NTN4: variants seen among roughly 807,000 people sequenced by gnomAD.
NTN4 encodes netrin 4, also known as netrin-4.
A neutral mutation model predicts 73.6 loss-of-function variants in NTN4; 32 were observed. That is an observed-to-expected ratio of 0.44 (90% CI 0.33 to 0.58). NTN4 has a LOEUF of 0.58. NTN4 is among the 20% of genes least tolerant of loss of function. NTN4 has a pLI of 0.04. For missense variants in NTN4, 654 were observed against 798.3 expected, an observed-to-expected ratio of 0.82 and a Z score of 2.18; for synonymous variants, 258 against 287.5, an observed-to-expected ratio of 0.90 and a Z score of 1.04.
At chr12:95,730,865 G>T (rs2078732148) in intron 3 of NTN4, among the ~76,000 whole-genome samples, 1 of 152,098 alleles carries the variant, frequency 6.6e-6, no homozygotes, top group African/African-American at 2.4e-5. Flanking sequence ...TTGGTGACAG[G>T]ATTACCTATT....
intron 9 of NTN4, among the ~76,000 whole-genome samples, chr12:95,665,229 C>G (rs2078170364): frequency 6.6e-6 from 1 of 152,166 alleles, no homozygotes; most frequent in African/African-American, 2.4e-5. Context: ...AGGTGCAAAT[C>G]AAATTTCTCT....
Position 95,790,612 on chromosome 12 carries a change from C to A in NTN4, c.-303G>T. On this transcript the variant is annotated 5_prime_UTR_variant, in exon 1 of 10. Transcript: ENST00000343702. This position sits in a 1 kb window ranked among gnomAD's most constrained non-coding sequence, Gnocchi z 6.5. Reference sequence around the variant, plus strand: ...GCCCCGCGGAGCGGCCCTGCGGGCTCGTCTGCCGCTAGCCCGGGGCTCGGC... The same window carrying A: ...GCCCCGCGGAGCGGCCCTGCGGGCTAGTCTGCCGCTAGCCCGGGGCTCGGC... 4.5e-6 allele frequency: 1 copy of A among 224,718 alleles called. No individual in the cohort carries two copies. Among genetic ancestry groups the A allele is most frequent in the Non-Finnish European group, 8.6e-6 (1 of 115,612 alleles). The allele number at this position is 224,718 out of a possible 1,614,324, so 13.9% of individuals were successfully genotyped here. A position where few individuals can be genotyped will look rare whatever the true frequency, so the allele number is the denominator to read the frequency against.
chr12:95,723,062 T>C (rs2078661892), intron 3 of NTN4, among the ~76,000 whole-genome samples: 1 of 151,828 alleles, frequency 6.6e-6, no homozygotes, highest in Non-Finnish European at 1.5e-5. Context: ...CAGTACAGTT[T>C]AAATTTGGGC....
At chr12:95,672,415 T>G (rs1592655079) in intron 7 of NTN4, 1 of 1,160,248 alleles carries the variant, frequency 8.6e-7, no homozygotes, top group South Asian at 1.2e-5. Flanking sequence ...CACCAGGAGG[T>G]GAAGCGCAGG....
intron 5 of NTN4, among the ~76,000 whole-genome samples, chr12:95,697,050 A>G (rs1180731768): frequency 6.6e-6 from 1 of 151,972 alleles, no homozygotes; most frequent in Admixed American, 6.6e-5. Flanking sequence ...TGGCATGTGC[A>G]TGTAGTCCCA....
intron 5 of NTN4, among the ~76,000 whole-genome samples, chr12:95,695,043 G>A (rs1460122104): frequency 6.6e-6 from 1 of 151,844 alleles, no homozygotes; most frequent in Non-Finnish European, 1.5e-5. Context: ...CACAAGAATG[G>A]TTTGAACCTG....
At chr12:95,778,645 G>A (rs1384445334) in intron 2 of NTN4, among the ~76,000 whole-genome samples, 2 of 152,118 alleles carry the variant, frequency 1.3e-5, no homozygotes, top group East Asian at 1.9e-4. Flanking sequence ...CCAATAACAG[G>A]CTCTGAAATT....
At chr12:95,736,310 CTCATAGGTCCT>C (rs2078777400) in intron 3 of NTN4, among the ~76,000 whole-genome samples, 1 of 152,104 alleles carries the variant, frequency 6.6e-6, no homozygotes, top group South Asian at 2.1e-4. Context: ...TGCAGGTAGT[CTCATAGGTCCT>C]TCAGTCCACA....
intron 5 of NTN4, among the ~76,000 whole-genome samples, chr12:95,708,293 T>C (rs1247098434): frequency 1.4e-5 from 2 of 146,084 alleles, no homozygotes; most frequent in Non-Finnish European, 1.5e-5. Flanking sequence ...TATTTATTTA[T>C]TTATTTATTT....
At chr12:95,729,632 AGTGTGTGTGTGTGTGTGTGTGTGTGT>A (rs758891542) in intron 3 of NTN4, among the ~76,000 whole-genome samples, 1 of 124,088 alleles carries the variant, frequency 8.1e-6, no homozygotes, top group Non-Finnish European at 1.8e-5. Flanking sequence ...AGAGAGAGAG[AGTGTGTGTGTGTGTGTGTGTGTGTGT>A]GTGTGTGTGT....
chr12:95,733,630 T>C (rs1220056859), intron 3 of NTN4, among the ~76,000 whole-genome samples: 2 of 152,210 alleles, frequency 1.3e-5, no homozygotes, highest in Non-Finnish European at 2.9e-5. Context: ...TTAGCTGTGT[T>C]TGGCTCCAAT....
At chr12:95,734,077 A>C (rs199971155) in intron 3 of NTN4, among the ~76,000 whole-genome samples, 2 of 129,322 alleles carry the variant, frequency 1.5e-5, no homozygotes, top group East Asian at 3.9e-4. Context: ...TTCAAAAAAA[A>C]AAAAAAAAAA....
At chr12:95,694,464 G>A (rs917575052) in intron 5 of NTN4, among the ~76,000 whole-genome samples, 7 of 152,120 alleles carry the variant, frequency 4.6e-5, no homozygotes, top group Admixed American at 3.9e-4. Flanking sequence ...CCAGCTGCCT[G>A]CTGAATTCTT....
chr12:95,682,736 G>A lies in NTN4; in HGVS notation c.1481C>T (p.Ala494Val), dbSNP rs768216552. 46 of 1,612,444 alleles carry A rather than the reference G, an allele frequency of 2.9e-5. No individual in the cohort carries two copies. The East Asian group carries it at 7.1e-4, about 25-fold the overall frequency. The change falls in exon 7 of 10, where the codon GCG becomes GTG. Residue 494 changes from alanine (A) to valine (V), a missense_variant. Physicochemically the swap from Ala to Val is moderately conservative, Grantham distance 64. Coordinates refer to ENST00000343702, the MANE Select transcript of NTN4 (RefSeq NM_021229.4). ...GTGTAGAAGTGCAGAAAACCCCTGC[G>A]CATCCTCCCACTCCCAGGCTGGTTC... ...KSEPAWEWED[A>V]QGFSALLHSG...
chr12:95,779,727 C>T (rs1372135597), intron 2 of NTN4, among the ~76,000 whole-genome samples: 1 of 152,028 alleles, frequency 6.6e-6, no homozygotes, highest in Non-Finnish European at 1.5e-5. Flanking sequence ...AATGGCCATA[C>T]TGCCCAAAGT....
intron 2 of NTN4, among the ~76,000 whole-genome samples, chr12:95,769,669 A>G (rs985444917): frequency 1.3e-5 from 2 of 151,696 alleles, no homozygotes; most frequent in Admixed American, 6.6e-5. Flanking sequence ...TCGGCAGTGC[A>G]TGAATGGTTG....
At chr12:95,729,634 T>A (rs7301585) in intron 3 of NTN4, among the ~76,000 whole-genome samples, 3,066 of 66,264 alleles carry the variant, frequency 0.046, 32 homozygotes, top group African/African-American at 0.1. Context: ...AGAGAGAGAG[T>A]GTGTGTGTGT....
At chr12:95,720,747 T>C (rs1481473364) in intron 3 of NTN4, among the ~76,000 whole-genome samples, 1 of 152,222 alleles carries the variant, frequency 6.6e-6, no homozygotes, top group Non-Finnish European at 1.5e-5. Context: ...TGTTGATAAA[T>C]ATGTCCTCAT....
At chr12:95,672,330 T>G in intron 7 of NTN4, 1 of 787,250 alleles carries the variant, frequency 1.3e-6, no homozygotes, top group African/African-American at 1.7e-5. Flanking sequence ...CTGGTGCTGA[T>G]CCAGCATGGA....
Sources: allele counts gnomAD v4.1 joint callset (sites outside exome capture counted in the v4.1 genomes callset), GRCh38; gene constraint gnomAD v4.1.1; non-coding constraint Gnocchi (gnomAD v3.1); transcripts MANE v1.5; gene names NCBI Gene and HGNC (gene_info 2026-07-23, HGNC 2026-07-21).